PTPRT: variants seen among roughly 807,000 people sequenced by gnomAD.
PTPRT encodes the protein receptor-type tyrosine-protein phosphatase T.
Under a neutral mutation model 176.8 loss-of-function variants are expected in PTPRT, and 56 were observed. The ratio of observed to expected loss-of-function variants is 0.32; its 90% CI spans 0.26 to 0.40. The LOEUF is 0.40. Among genes scored for constraint, PTPRT ranks in the 10% least tolerant of loss-of-function variants. PTPRT has a pLI of 1.00. For missense variants in PTPRT, 1,540 were observed against 1,908.2 expected (o/e 0.81, Z 3.60); for synonymous variants, 783 against 739.0 (o/e 1.06, Z -0.96).
chr20:42,654,100 G>A (rs2075080466), intron 7 of PTPRT, among the ~76,000 whole-genome samples: 1 of 152,134 alleles, frequency 6.6e-6, no homozygotes, highest in African/African-American at 2.4e-5. Context: ...GGCAGGAAAG[G>A]TAGTGACAAC....
intron 2 of PTPRT, among the ~76,000 whole-genome samples, chr20:42,824,717 T>C (rs1163851132): frequency 2.0e-5 from 3 of 151,998 alleles, no homozygotes; most frequent in African/African-American, 7.2e-5. Flanking sequence ...AGAATATTTA[T>C]CTCATTTGGG....
chr20:42,472,401 C>T lies in PTPRT; in HGVS notation c.1315G>A (p.Glu439Lys). The T allele has an allele frequency of 6.2e-7, 1 of 1,614,196 alleles. No individual in the cohort carries two copies. Among genetic ancestry groups the T allele is most frequent in the Non-Finnish European group, 8.5e-7 (1 of 1,180,042 alleles). The change falls in exon 8 of 31, where the codon GAG (glutamate) becomes AAG (lysine). Residue 439 changes from glutamate (E) to lysine (K), a missense_variant. By Grantham distance (56) the Glu-to-Lys change is moderately conservative. Around this residue, in one of 11 missense-constraint regions of PTPRT, gnomAD observed 79 missense variants for 80.0 expected, o/e 0.99. Transcript: ENST00000373187. ...TAGTGGGAGGAGGTCTGGATGACCT[C>T]CTCGGCCTCGTACTGCTGCTGGTTG... The part of the protein sequence containing the change: ...VFNQQQYEAE[E>K]VIQTSSHYTL...
At chr20:42,097,832 C>T (rs1271873381) in intron 27 of PTPRT, among the ~76,000 whole-genome samples, 11 of 152,242 alleles carry the variant, frequency 7.2e-5, no homozygotes, top group Admixed American at 2.6e-4. Flanking sequence ...CCAAGATACA[C>T]GTCCTGTGTC....
At chr20:42,958,980 T>C (rs1438568987) in intron 1 of PTPRT, among the ~76,000 whole-genome samples, 1 of 152,220 alleles carries the variant, frequency 6.6e-6, no homozygotes, top group Non-Finnish European at 1.5e-5. Context: ...CCACTGTCTG[T>C]CTTAAATTAA....
chr20:42,424,900 T>C (rs2059149067), intron 9 of PTPRT, among the ~76,000 whole-genome samples: 1 of 150,842 alleles, frequency 6.6e-6, no homozygotes, highest in Admixed American at 6.6e-5. Context: ...CTCTCTGACG[T>C]ATGCGTGGAA....
intron 8 of PTPRT, among the ~76,000 whole-genome samples, chr20:42,450,762 C>T (rs886527164): frequency 3.9e-5 from 6 of 152,178 alleles, no homozygotes; most frequent in Non-Finnish European, 5.9e-5. Flanking sequence ...GAAGGGACAG[C>T]GATGGACACT....
At chr20:42,126,448 T>C (rs1277581243) in intron 19 of PTPRT, among the ~76,000 whole-genome samples, 2 of 152,220 alleles carry the variant, frequency 1.3e-5, no homozygotes, top group African/African-American at 4.8e-5. Flanking sequence ...GTAGTGGTAC[T>C]TACCTTGTGA....
At chr20:42,801,235 G>A (rs2077526267) in intron 2 of PTPRT, among the ~76,000 whole-genome samples, 1 of 152,134 alleles carries the variant, frequency 6.6e-6, no homozygotes, top group African/African-American at 2.4e-5. Flanking sequence ...AAGCACTGAA[G>A]GTGCGTGTAT....
Position 42,161,529 on chromosome 20 carries a change from G to A in PTPRT, c.2505C>T (p.Arg835=). 2 of 1,608,838 alleles carry A rather than the reference G, an allele frequency of 1.2e-6. No individual in the cohort carries two copies. The highest frequency in any genetic ancestry group is 2.2e-5 in the East Asian group (1 of 44,822). Residue 835 remains arginine (R), a synonymous_variant, in exon 17 of 31, where the codon CGC becomes CGT. Transcript: ENST00000373187. ...QDVNGFTDGS[R]GELSQPTLTI... The stretch of plus-strand genomic sequence containing the variant: ...TGAGGGTGGGCTGGGAAAGCTCCCC[G>A]CGGCTGCCATCTGCTTCGAAAAGAA...
chr20:42,225,022 G>A (rs566198451), intron 15 of PTPRT, among the ~76,000 whole-genome samples: 4 of 152,274 alleles, frequency 2.6e-5, no homozygotes, highest in East Asian at 1.9e-4. Flanking sequence ...GTATAAAAAT[G>A]ACATTGTCTT....
chr20:42,577,760 G>A (rs535960915), intron 7 of PTPRT, among the ~76,000 whole-genome samples: 1 of 152,066 alleles, frequency 6.6e-6, no homozygotes, highest in East Asian at 1.9e-4. Flanking sequence ...AAATGGTCTG[G>A]CCAGATGCAG....
At chr20:42,108,751 A>AGAG (rs1274367830) in intron 23 of PTPRT, among the ~76,000 whole-genome samples, 1 of 152,190 alleles carries the variant, frequency 6.6e-6, no homozygotes, top group Non-Finnish European at 1.5e-5. Context: ...ATGATATATT[A>AGAG]GAGTGCTTAC....
intron 8 of PTPRT, among the ~76,000 whole-genome samples, chr20:42,471,696 C>G (rs1180300922): frequency 6.6e-6 from 1 of 152,112 alleles, no homozygotes; most frequent in East Asian, 1.9e-4. Flanking sequence ...CACTCTGTTG[C>G]CCAGGCTGGA....
chr20:43,024,879 C>T (rs1393813009), intron 1 of PTPRT, among the ~76,000 whole-genome samples: 1 of 152,236 alleles, frequency 6.6e-6, no homozygotes, highest in Non-Finnish European at 1.5e-5. Flanking sequence ...CCTGGGAGAA[C>T]CAACTCTGTA....
In PTPRT at chr20:42,106,861, C is replaced by G; in HGVS notation, c.3315G>C (p.Glu1105Asp). 1 of 1,614,164 alleles carries G rather than the reference C, an allele frequency of 6.2e-7. No homozygotes were observed. The highest frequency in any genetic ancestry group is 1.1e-5 in the South Asian group (1 of 91,078). Residue 1105 changes from glutamate (E) to aspartate (D), a missense_variant, in exon 24 of 31, where the codon GAG (glutamate) becomes GAC (aspartate). Glu to Asp is a conservative substitution (Grantham distance 45). This residue lies in a region of PTPRT where 248 missense variants were observed against 356.7 expected (regional missense o/e 0.70). Transcript: ENST00000373187. Reference sequence around the variant, plus strand: ...TGAAGATGTCCACCACCCCTTCATTCTCGGCCATGTCAAGCATGGTGTCAA... The same window carrying G: ...TGAAGATGTCCACCACCCCTTCATTGTCGGCCATGTCAAGCATGGTGTCAA... ...IAIDTMLDMAENEGVVDIFNC... is the reference protein window; with the variant it reads ...IAIDTMLDMADNEGVVDIFNC...
intron 11 of PTPRT, among the ~76,000 whole-genome samples, chr20:42,330,737 T>G (rs1374018032): frequency 6.6e-6 from 1 of 152,096 alleles, no homozygotes; most frequent in Non-Finnish European, 1.5e-5. Flanking sequence ...TTGTTTTTTG[T>G]TATTGTTATA....
At chr20:43,056,512 G>A (rs3092156) in intron 1 of PTPRT, among the ~76,000 whole-genome samples, 49,237 of 152,076 alleles carry the variant, frequency 0.32, 9,456 homozygotes, top group African/African-American at 0.52. Context: ...AATCACCTGA[G>A]GGAACAAAGT....
chr20:42,102,273 C>G lies in PTPRT; in HGVS notation c.3565G>C (p.Val1189Leu). 6.2e-7 allele frequency: 1 copy of G among 1,614,078 alleles called. No individual in the cohort carries two copies. The highest frequency in any genetic ancestry group is 8.5e-7 in the Non-Finnish European group (1 of 1,179,956). ...FQTLNIVTPR[V>L]RPEDCSIGLL... is the part of the protein sequence containing the mutation. ...CCAATGCTGCAGTCCTCGGGCCGCA[C>G]ACGGGGTGTCACAATGTTGAGGGTC... Residue 1189 changes from valine (V) to leucine (L), a missense_variant, in exon 26 of 31, where the codon GTG becomes CTG. By Grantham distance (32) the Val-to-Leu change is conservative. Around this residue, in one of 11 missense-constraint regions of PTPRT, gnomAD observed 342 missense variants for 394.0 expected, o/e 0.87. Coordinates refer to ENST00000373187, the MANE Select transcript of PTPRT (RefSeq NM_007050.6).
intron 1 of PTPRT, among the ~76,000 whole-genome samples, chr20:42,905,264 C>A (rs943513181): frequency 9.9e-5 from 15 of 152,228 alleles, no homozygotes; most frequent in African/African-American, 3.4e-4. Flanking sequence ...AAGGATATGG[C>A]CAGACACTTA....
Sources: allele counts gnomAD v4.1 joint callset (sites outside exome capture counted in the v4.1 genomes callset), GRCh38; gene constraint gnomAD v4.1.1; regional missense constraint gnomAD v4.1.1; transcripts MANE v1.5; gene names NCBI Gene and HGNC (gene_info 2026-07-23, HGNC 2026-07-21).